TNMD: variants seen among roughly 807,000 people sequenced by gnomAD.
TNMD encodes the protein BRICHOS domain containing 4.
Under a neutral mutation model 26.9 loss-of-function variants are expected in TNMD, and 15 were observed. The observed-to-expected ratio is 0.56, with a 90% confidence interval of 0.37 to 0.86. The LOEUF (loss-of-function observed/expected upper bound fraction) is 0.86. Among genes scored for constraint, TNMD ranks in the 40% least tolerant of loss-of-function variants. The probability of loss-of-function intolerance (pLI) is 0.00; values close to 1 mark genes in which losing one functional copy is unlikely to be tolerated. For synonymous variants in TNMD, 73 were observed against 77.0 expected, an observed-to-expected ratio of 0.95 and a Z score of 0.27; for missense variants, 222 against 242.6, an observed-to-expected ratio of 0.92 and a Z score of 0.56.
Position 100,594,445 on chromosome X carries a change from T to C in TNMD, c.423+83T>C, listed in dbSNP as rs2281327. 2,853 of 542,017 alleles carry C rather than the reference T, an allele frequency of 5.3e-3. 59 individuals are homozygous for C. In the East Asian group the frequency reaches 0.074, roughly 14 times the overall value. The allele number at this position is 542,017 out of a possible 1,213,427, so 44.7% of individuals were successfully genotyped here. A position where few individuals can be genotyped will look rare whatever the true frequency, so the allele number is the denominator to read the frequency against. On this transcript the variant is annotated intron_variant, in intron 4 of 6. Coordinates refer to ENST00000373031, the MANE Select transcript of TNMD (RefSeq NM_022144.3). ...GTGCCAAACATTGTACTAAATGCTT[T>C]ACTTTTCTTTGATTCTCCAACAACC...
At position 100,599,812 on chromosome X, in the gene TNMD, G is replaced by C; in HGVS notation, c.*95G>C. ...CTGCCTATGAGGCATCTGGCCCCTG[G>C]TAGCCAGCTCTCCAGAATTACTTGT... On this transcript the variant is annotated 3_prime_UTR_variant, in exon 7 of 7. Coordinates refer to ENST00000373031, the MANE Select transcript of TNMD (RefSeq NM_022144.3). The C allele has an allele frequency of 3.8e-6, 3 of 782,329 alleles. No individual in the cohort carries two copies. Among genetic ancestry groups the C allele is most frequent in the Non-Finnish European group, 5.6e-6 (3 of 537,369 alleles). The allele number at this position is 782,329 out of a possible 1,213,427, so 64.5% of individuals were successfully genotyped here.
intron 2 of TNMD, 125 bp downstream of exon 2, chrX:100,585,487 T>C (rs1296379959): frequency 6.3e-6 from 5 of 796,014 alleles, no homozygotes; most frequent in Non-Finnish European, 6.8e-6. Context: ...TTTCTGGTGG[T>C]ATGAAAAACT....
intron 2 of TNMD, among the ~76,000 whole-genome samples, chrX:100,589,362 CAAAA>C (rs60496840): frequency 4.9e-5 from 3 of 60,925 alleles, no homozygotes; most frequent in African/African-American, 1.1e-4. Context: ...TTGGCATTTT[CAAAA>C]AAAAAAAAAA....
intron 2 of TNMD, among the ~76,000 whole-genome samples, chrX:100,591,161 A>G (rs750962645): frequency 9.0e-6 from 1 of 111,483 alleles, no homozygotes; most frequent in African/African-American, 3.3e-5. Context: ...AGCTAGAAGC[A>G]CCAAAAATTA....
At chrX:100,598,914 GAC>G (rs2082960527) in intron 5 of TNMD, 100 bp from the exon 6 acceptor site, 1 of 665,879 alleles carries the variant, frequency 1.5e-6, no homozygotes. Flanking sequence ...CCAGTTAGAA[GAC>G]ACAATGAAAA....
At chrX:100,596,648 A>G (rs1160000005) in intron 4 of TNMD, among the ~76,000 whole-genome samples, 1 of 111,842 alleles carries the variant, frequency 8.9e-6, no homozygotes, top group African/African-American at 3.3e-5. Flanking sequence ...TAACAAAGCT[A>G]GTCAGCATAC....
intron 2 of TNMD, among the ~76,000 whole-genome samples, chrX:100,589,488 G>A (rs1007311431): frequency 1.8e-5 from 2 of 111,251 alleles, no homozygotes; most frequent in African/African-American, 6.5e-5. Context: ...GCAGCTCCCA[G>A]CAATTATGTG....
Position 100,599,600 on chromosome X carries a change from C to G in TNMD, c.837C>G (p.Val279=), listed in dbSNP as rs201751815. The change falls in exon 7 of 7, where the codon GTC becomes GTG. Residue 279 remains valine (V), a synonymous_variant. Transcript: ENST00000373031. ...CRRGNRYCRR[V]CEPLLGYYPY... Reference sequence around the variant, plus strand: ...GAGGCAACCGCTATTGCCGCCGCGTCTGTGAACCTTTACTAGGCTACTACC... The same window carrying G: ...GAGGCAACCGCTATTGCCGCCGCGTGTGTGAACCTTTACTAGGCTACTACC... The G allele has an allele frequency of 5.0e-6, 6 of 1,209,511 alleles. No homozygotes were observed. Among genetic ancestry groups the G allele is most frequent in the Non-Finnish European group, 6.7e-6 (6 of 895,083 alleles).
chrX:100,593,045 T>C (rs192525480), intron 2 of TNMD, among the ~76,000 whole-genome samples: 21 of 112,174 alleles, frequency 1.9e-4, no homozygotes, highest in Non-Finnish European at 3.6e-4. Context: ...AGTTATGGGC[T>C]TACTCCTAAA....
chrX:100,595,818 T>C (rs1043237517), intron 4 of TNMD, among the ~76,000 whole-genome samples: 9 of 111,645 alleles, frequency 8.1e-5, no homozygotes, highest in African/African-American at 2.6e-4. Flanking sequence ...TAAGCATAAG[T>C]TAGATGCATC....
Position 100,584,989 on chromosome X carries a change from C to A in TNMD, c.-30C>A. 3.3e-6 allele frequency: 4 copies of A among 1,196,462 alleles called. No individual in the cohort carries two copies. In the South Asian group the frequency reaches 7.4e-5, roughly 22 times the overall value. Reference sequence around the variant, plus strand: ...CAGTGGTCTCTCAGTCCTCTCAAAGCAAGGAAAGAGTACTGTGTGCTGAGA... The same window carrying A: ...CAGTGGTCTCTCAGTCCTCTCAAAGAAAGGAAAGAGTACTGTGTGCTGAGA... On this transcript the variant is annotated 5_prime_UTR_variant, in exon 1 of 7. Transcript: ENST00000373031.
At chrX:100,586,225 T>C (rs1180993220) in intron 2 of TNMD, among the ~76,000 whole-genome samples, 1 of 112,714 alleles carries the variant, frequency 8.9e-6, no homozygotes, top group Non-Finnish European at 1.9e-5. Flanking sequence ...GTGAAGATAG[T>C]TTTCTGGCTT....
At chrX:100,596,658 C>A (rs1411590729) in intron 4 of TNMD, among the ~76,000 whole-genome samples, 1 of 111,495 alleles carries the variant, frequency 9.0e-6, no homozygotes, top group Non-Finnish European at 1.9e-5. Flanking sequence ...AGTCAGCATA[C>A]CAACCTCATT....
intron 6 of TNMD, 57 bp downstream of exon 6, chrX:100,599,239 C>T (rs768134482): frequency 3.3e-5 from 31 of 946,112 alleles, no homozygotes; most frequent in Non-Finnish European, 4.4e-5. Context: ...CCTCACAAAA[C>T]TTACTACCCC....
chrX:100,588,408 C>T (rs748975159), intron 2 of TNMD, among the ~76,000 whole-genome samples: 7 of 111,122 alleles, frequency 6.3e-5, no homozygotes, highest in Non-Finnish European at 9.4e-5. Context: ...CTTACAGGTC[C>T]CAGGCCCCTG....
chrX:100,593,076 G>C lies in TNMD; in HGVS notation c.181-819G>C, dbSNP rs764857850. Among the ~76,000 whole-genome samples the C allele has an allele frequency of 9.8e-5, 11 of 111,976 alleles. No homozygotes were observed. The East Asian group carries it at 2.5e-3, about 26-fold the overall frequency. The stretch of plus-strand genomic sequence containing the variant: ...CTAAACTGCAGTGCCATATGGGACT[G>C]GTCCTCTTGGTCTTTAGAAATACAA... On this transcript the variant is annotated intron_variant, in intron 2 of 6. Transcript: ENST00000373031.
chrX:100,596,551 CCTT>C (rs1212844845), intron 4 of TNMD, among the ~76,000 whole-genome samples: 2 of 110,843 alleles, frequency 1.8e-5, no homozygotes, highest in Non-Finnish European at 3.8e-5. Flanking sequence ...ATGACAAAAA[CCTT>C]CTTCTGTAAT....
At chrX:100,592,088 T>C (rs1005116584) in intron 2 of TNMD, among the ~76,000 whole-genome samples, 3 of 111,589 alleles carry the variant, frequency 2.7e-5, no homozygotes, top group Non-Finnish European at 5.6e-5. Context: ...GTGCTACTGA[T>C]GAAATAAACA....
intron 2 of TNMD, among the ~76,000 whole-genome samples, chrX:100,589,198 CT>C (rs2082930294): frequency 9.0e-6 from 1 of 110,762 alleles, no homozygotes; most frequent in Non-Finnish European, 1.9e-5. Flanking sequence ...AGGAAGACAA[CT>C]TTTTTCTCCA....
Sources: allele counts gnomAD v4.1 joint callset (sites outside exome capture counted in the v4.1 genomes callset), GRCh38; gene constraint gnomAD v4.1.1; transcripts MANE v1.5; gene names NCBI Gene and HGNC (gene_info 2026-07-23, HGNC 2026-07-21).